EHBP1: variants seen among roughly 807,000 people sequenced by gnomAD.
The protein encoded by EHBP1 is EH domain-binding protein 1.
Under a neutral mutation model 144.0 loss-of-function variants are expected in EHBP1, and 55 were observed. The ratio of observed to expected loss-of-function variants is 0.38; its 90% CI spans 0.31 to 0.48. The LOEUF (loss-of-function observed/expected upper bound fraction) is 0.48, where lower values mean the gene tolerates loss of function less well. Among genes scored for constraint, EHBP1 ranks in the 20% least tolerant of loss-of-function variants. The pLI, the probability that EHBP1 is intolerant of heterozygous loss-of-function variation, is 0.98. For synonymous variants in EHBP1, 469 were observed against 472.7 expected (o/e 0.99, Z 0.10); for missense variants, 1,200 against 1,364.2 (o/e 0.88, Z 1.90).
intron 7 of EHBP1, among the ~76,000 whole-genome samples, chr2:62,842,576 TAGTCTGAGA>T (rs2047987792): frequency 1.3e-5 from 2 of 152,218 alleles, no homozygotes; most frequent in South Asian, 4.1e-4. Flanking sequence ...ACTTGTCACA[TAGTCTGAGA>T]AGCCTTTGAT....
chr2:62,858,373 C>T (rs779164897), intron 7 of EHBP1: 3 of 1,435,574 alleles, frequency 2.1e-6, no homozygotes, highest in South Asian at 1.2e-5. Flanking sequence ...ATGACCTTAC[C>T]TTATATTTGT....
chr2:62,749,637 T>C (rs2039487405), intron 3 of EHBP1, among the ~76,000 whole-genome samples: 1 of 152,202 alleles, frequency 6.6e-6, no homozygotes, highest in African/African-American at 2.4e-5. Context: ...CCACATCCTC[T>C]CCAGCACCTG....
At chr2:62,754,081 A>G (rs529004915) in intron 3 of EHBP1, among the ~76,000 whole-genome samples, 37 of 151,910 alleles carry the variant, frequency 2.4e-4, no homozygotes, top group African/African-American at 7.5e-4. Flanking sequence ...GATTTTTAGA[A>G]TTTTCAGCTC....
intron 1 of EHBP1, among the ~76,000 whole-genome samples, chr2:62,697,668 A>G (rs1448915853): frequency 2.0e-5 from 3 of 152,198 alleles, no homozygotes; most frequent in African/African-American, 7.2e-5. Flanking sequence ...GAATGCTTTG[A>G]CCTTAATAAT....
intron 5 of EHBP1, among the ~76,000 whole-genome samples, chr2:62,773,117 C>G (rs2041791878): frequency 6.6e-6 from 1 of 152,060 alleles, no homozygotes; most frequent in Non-Finnish European, 1.5e-5. Flanking sequence ...AAATTATGAA[C>G]TATATCAAAA....
chr2:63,011,376 A>G (rs929590505), intron 19 of EHBP1, among the ~76,000 whole-genome samples: 9 of 151,918 alleles, frequency 5.9e-5, no homozygotes, highest in Non-Finnish European at 8.8e-5. Flanking sequence ...TAAAAAAGCA[A>G]TGTTAGTGTG....
chr2:62,946,315 G>A (rs2710637), intron 12 of EHBP1, among the ~76,000 whole-genome samples: 100,011 of 152,042 alleles, frequency 0.66, 33,194 homozygotes, highest in African/African-American at 0.73. Context: ...ACAGAAGACT[G>A]TCCCATTAAA....
intron 7 of EHBP1, among the ~76,000 whole-genome samples, chr2:62,841,513 C>G (rs567739184): frequency 1.2e-4 from 18 of 152,170 alleles, no homozygotes; most frequent in African/African-American, 4.1e-4. Flanking sequence ...AAAAATAAAG[C>G]AAAATTTATT....
intron 7 of EHBP1, among the ~76,000 whole-genome samples, chr2:62,840,746 T>G (rs1241969783): frequency 6.6e-6 from 1 of 151,232 alleles, no homozygotes; most frequent in Non-Finnish European, 1.5e-5. Context: ...AAAATGCTCA[T>G]CATCACTGGC....
At chr2:62,960,014 A>G (rs528555243) in intron 14 of EHBP1, among the ~76,000 whole-genome samples, 1 of 152,286 alleles carries the variant, frequency 6.6e-6, no homozygotes, top group South Asian at 2.1e-4. Context: ...TCTGGGTGAG[A>G]GAAAGTGAGA....
chr2:62,869,178 G>A (rs1216115376), intron 9 of EHBP1, among the ~76,000 whole-genome samples: 1 of 152,034 alleles, frequency 6.6e-6, no homozygotes, highest in Non-Finnish European at 1.5e-5. Flanking sequence ...GGGGCCACCG[G>A]AACTCCACAG....
At position 62,854,924 on chromosome 2, in the gene EHBP1, C is replaced by T. The variant is rs562543756; in HGVS notation, c.635-4245C>T. Among the ~76,000 whole-genome samples the T allele has an allele frequency of 7.9e-5, 12 of 152,278 alleles. No homozygotes were observed. The East Asian group carries it at 1.9e-3, about 25-fold the overall frequency. On this transcript the variant is annotated intron_variant, in intron 7 of 22. Coordinates refer to ENST00000431489, the MANE Select transcript of EHBP1 (RefSeq NM_001142616.3). ...TGGGTGCTACTAAATCTGCCCAAGC[C>T]GTGCTGCAGACCCAGGTACCCCTCT...
intron 10 of EHBP1, among the ~76,000 whole-genome samples, chr2:62,877,651 C>A (rs749423747): frequency 4.6e-5 from 7 of 152,228 alleles, no homozygotes; most frequent in Non-Finnish European, 8.8e-5. Context: ...ACTATACCTT[C>A]AGACCACAGC....
Position 62,943,847 on chromosome 2 carries a change from A to G in EHBP1, c.1410A>G (p.Lys470=). The stretch of plus-strand genomic sequence containing the variant: ...CTCAAGATATTAAAGAGAACAACAA[A>G]AAGGTAAGAATTGATGAGCAAGAAA... The part of the protein sequence containing the change: ...LNPQDIKENN[K]KAYDGFASIG... The change falls in exon 12 of 23, where the codon AAA becomes AAG. Residue 470 remains lysine (K), a synonymous_variant. Transcript: ENST00000431489. The G allele has an allele frequency of 6.2e-7, 1 of 1,603,480 alleles. No individual in the cohort carries two copies. Among genetic ancestry groups the G allele is most frequent in the Non-Finnish European group, 8.5e-7 (1 of 1,173,372 alleles).
At chr2:63,030,107 A>G (rs76079406) in intron 19 of EHBP1, among the ~76,000 whole-genome samples, 1 of 152,222 alleles carries the variant, frequency 6.6e-6, no homozygotes, top group Non-Finnish European at 1.5e-5. Context: ...CTAACCAACC[A>G]TGAAACTATA....
At chr2:62,717,717 A>T (rs185528692) in intron 2 of EHBP1, among the ~76,000 whole-genome samples, 74 of 151,504 alleles carry the variant, frequency 4.9e-4, no homozygotes, top group Middle Eastern at 6.8e-3. Flanking sequence ...TTTTTTTTTT[A>T]AAAAAAACCT....
chr2:62,993,697 T>C, intron 17 of EHBP1, 29 bp downstream of exon 17: 1 of 1,461,696 alleles, frequency 6.8e-7, no homozygotes, highest in East Asian at 2.3e-5. Context: ...TGTTTTTCCA[T>C]GTTATGGTTT....
At chr2:62,987,841 C>G (rs1308533038) in intron 15 of EHBP1, 1 of 698,224 alleles carries the variant, frequency 1.4e-6, no homozygotes, top group African/African-American at 1.9e-5. Context: ...AATAACTATA[C>G]TAAAATACTG....
chr2:62,745,588 C>A (rs756464530), intron 2 of EHBP1, among the ~76,000 whole-genome samples: 2 of 151,812 alleles, frequency 1.3e-5, no homozygotes, highest in African/African-American at 4.8e-5. Flanking sequence ...GAGCAAGATG[C>A]CTATGAGATA....
Sources: gnomAD v4.1 joint callset for allele counts (sites outside exome capture counted in the v4.1 genomes callset) on GRCh38, gnomAD v4.1.1 for gene constraint, MANE v1.5 for transcripts, NCBI Gene and HGNC (gene_info 2026-07-23, HGNC 2026-07-21) for gene names.